Variants in ZFYVE9 observed in about 807,000 individuals in gnomAD.
ZFYVE9 encodes the protein zinc finger FYVE-type containing 9.
Under a neutral mutation model 126.7 loss-of-function variants are expected in ZFYVE9, and 43 were observed. That is an observed-to-expected ratio of 0.34 (90% CI 0.27 to 0.44). ZFYVE9 has a LOEUF of 0.44. Among genes scored for constraint, ZFYVE9 ranks in the 20% least tolerant of loss-of-function variants. The probability of loss-of-function intolerance (pLI) is 1.00; values close to 1 mark genes in which losing one functional copy is unlikely to be tolerated. For synonymous variants in ZFYVE9, 521 were observed against 597.4 expected, an observed-to-expected ratio of 0.87 and a Z score of 1.87; for missense variants, 1,476 against 1,697.0, an observed-to-expected ratio of 0.87 and a Z score of 2.29.
rs540322992 is a variant in ZFYVE9, at chr1:52,269,843, A to G, written c.2625+1211A>G. ...CACTCTATCGCCCAGGCTCCAGTAT[A>G]GTGCCGCAGACATGGCTCTCTGCAG... On this transcript the variant is annotated intron_variant, in intron 7 of 18. Transcript: ENST00000287727. 4.6e-5 allele frequency among the ~76,000 whole-genome samples: 7 copies of G among 151,746 alleles called. No individual in the cohort carries two copies. In the South Asian group the frequency reaches 1.5e-3, roughly 32 times the overall value.
At chr1:52,223,199 TC>T (rs543852485) in intron 2 of ZFYVE9, among the ~76,000 whole-genome samples, 99 of 152,304 alleles carry the variant, frequency 6.5e-4, no homozygotes, top group African/African-American at 2.3e-3. Context: ...GGAAGGACTT[TC>T]TTTTCCCTCT....
chr1:52,232,293 G>T (rs1645230494), intron 2 of ZFYVE9, among the ~76,000 whole-genome samples: 4 of 152,132 alleles, frequency 2.6e-5, no homozygotes, highest in Admixed American at 2.6e-4. Flanking sequence ...GAGATAATAG[G>T]TAGCATTTAC....
chr1:52,149,870 G>A (rs558415795), intron 1 of ZFYVE9, among the ~76,000 whole-genome samples: 3 of 152,208 alleles, frequency 2.0e-5, no homozygotes, highest in South Asian at 4.1e-4. Flanking sequence ...TATAGTTTCC[G>A]TATAAAGTTA....
intron 12 of ZFYVE9, among the ~76,000 whole-genome samples, chr1:52,297,728 T>C (rs1645991488): frequency 7.0e-6 from 1 of 143,644 alleles, no homozygotes; most frequent in Admixed American, 6.8e-5. Context: ...AATTTTGTTT[T>C]GTTTTGTTTT....
At chr1:52,264,707 AT>A (rs966833651) in intron 5 of ZFYVE9, among the ~76,000 whole-genome samples, 1 of 152,158 alleles carries the variant, frequency 6.6e-6, no homozygotes, top group African/African-American at 2.4e-5. Flanking sequence ...GCTGGAACTT[AT>A]CTGCTCTGAG....
chr1:52,326,321 G>A (rs1465882642), intron 13 of ZFYVE9, among the ~76,000 whole-genome samples: 1 of 152,152 alleles, frequency 6.6e-6, no homozygotes, highest in East Asian at 1.9e-4. Flanking sequence ...AGGCAGGGTA[G>A]GGAAGATGAG....
intron 1 of ZFYVE9, among the ~76,000 whole-genome samples, chr1:52,157,879 C>T (rs192888792): frequency 1.3e-5 from 2 of 152,132 alleles, no homozygotes; most frequent in Non-Finnish European, 2.9e-5. Flanking sequence ...CACCACTGAA[C>T]TTCTTAGTGA....
intron 1 of ZFYVE9, among the ~76,000 whole-genome samples, chr1:52,213,261 G>A (rs1442544317): frequency 6.6e-6 from 1 of 151,852 alleles, no homozygotes; most frequent in East Asian, 1.9e-4. Flanking sequence ...TTATTTATTA[G>A]GGCATTAGCA....
chr1:52,166,536 G>A (rs1353514303), intron 1 of ZFYVE9, among the ~76,000 whole-genome samples: 1 of 152,050 alleles, frequency 6.6e-6, no homozygotes, highest in Non-Finnish European at 1.5e-5. Flanking sequence ...TAATAATACA[G>A]GGCTTAATCT....
At chr1:52,307,807 A>T (rs1310252171) in intron 13 of ZFYVE9, among the ~76,000 whole-genome samples, 6 of 146,408 alleles carry the variant, frequency 4.1e-5, no homozygotes, top group African/African-American at 1.5e-4. Flanking sequence ...GCTGGAGTGC[A>T]GTGGAGCGAT....
rs146906213 is a variant in ZFYVE9 at position 52,216,507 on chromosome 1, G to T, written c.-37+33G>T. 8.2e-4 allele frequency: 326 copies of T among 398,312 alleles called. 3 individuals carry two copies. Among genetic ancestry groups the T allele is most frequent in the African/African-American group, 5.9e-3 (287 of 48,718 alleles). 24.7% of individuals were successfully genotyped at this position (398,312 alleles called of 1,614,324 possible). A position where few individuals can be genotyped will look rare whatever the true frequency, so the allele number is the denominator to read the frequency against. Reference sequence around the variant, plus strand: ...AATGTTTTTATTTCTCTTAGAGATTGAACTTGAGAAACCAATGAGATCTAT... The same window carrying T: ...AATGTTTTTATTTCTCTTAGAGATTTAACTTGAGAAACCAATGAGATCTAT... On this transcript the variant is annotated intron_variant, in intron 2 of 18. Coordinates refer to ENST00000287727, the MANE Select transcript of ZFYVE9 (RefSeq NM_004799.4).
At chr1:52,254,227 CTG>C (rs1432750174) in intron 4 of ZFYVE9, 2 of 425,158 alleles carry the variant, frequency 4.7e-6, no homozygotes, top group East Asian at 4.4e-5. Context: ...TTGTTTTATC[CTG>C]TCTTTAAATA....
Position 52,238,416 on chromosome 1 carries a change from C to T in ZFYVE9, c.999C>T (p.Leu333=), listed in dbSNP as rs771519258. ...PAEESTTEES[L]RSGLPLLLKP... ...AGGAGAGCACCACTGAAGAATCCCT[C>T]CGGTCTGGTTTACCTTTGCTTCTCA... Residue 333 remains leucine (L), a synonymous_variant, in exon 4 of 19, where the codon CTC becomes CTT. Coordinates refer to ENST00000287727, the MANE Select transcript of ZFYVE9 (RefSeq NM_004799.4). The T allele has an allele frequency of 6.2e-7, 1 of 1,614,034 alleles. No individual in the cohort carries two copies. Among genetic ancestry groups the T allele is most frequent in the South Asian group, 1.1e-5 (1 of 91,078 alleles).
chr1:52,285,271 G>C (rs558632871), intron 10 of ZFYVE9, among the ~76,000 whole-genome samples: 1 of 152,136 alleles, frequency 6.6e-6, no homozygotes, highest in Admixed American at 6.6e-5. Flanking sequence ...CAGGGTAATA[G>C]CTTGATATAT....
chr1:52,218,903 C>G (rs1645097370), intron 2 of ZFYVE9, among the ~76,000 whole-genome samples: 1 of 151,996 alleles, frequency 6.6e-6, no homozygotes. Context: ...CATAAAGGTG[C>G]TCTAAAGTGG....
At chr1:52,169,172 G>T (rs28716393) in intron 1 of ZFYVE9, among the ~76,000 whole-genome samples, 2 of 152,056 alleles carry the variant, frequency 1.3e-5, no homozygotes, top group Admixed American at 6.5e-5. Context: ...AGGCAGAGGC[G>T]GGTAGATTGC....
At chr1:52,279,048 C>T (rs1008919647) in intron 9 of ZFYVE9, among the ~76,000 whole-genome samples, 1 of 151,974 alleles carries the variant, frequency 6.6e-6, no homozygotes. Context: ...CTAGCCACAT[C>T]TTACTGAACA....
intron 2 of ZFYVE9, among the ~76,000 whole-genome samples, chr1:52,220,263 C>G (rs558975475): frequency 4.6e-5 from 7 of 152,308 alleles, no homozygotes; most frequent in African/African-American, 1.7e-4. Flanking sequence ...ATTCCTAGTG[C>G]TTGGGTTAGC....
chr1:52,291,803 G>A (rs552259091), intron 10 of ZFYVE9, among the ~76,000 whole-genome samples: 4 of 151,002 alleles, frequency 2.6e-5, no homozygotes, highest in South Asian at 2.1e-4. Flanking sequence ...GTTTGAACCC[G>A]GGAAGGAGAG....
Sources: gnomAD v4.1 joint callset for allele counts (sites outside exome capture counted in the v4.1 genomes callset) on GRCh38, gnomAD v4.1.1 for gene constraint, MANE v1.5 for transcripts, NCBI Gene and HGNC (gene_info 2026-07-23, HGNC 2026-07-21) for gene names.